SWAP70: variants seen among roughly 807,000 people sequenced by gnomAD.
SWAP70 encodes switching B cell complex subunit SWAP70, also known as switch-associated protein 70.
A neutral mutation model predicts 80.2 loss-of-function variants in SWAP70; 34 were observed. The ratio of observed to expected loss-of-function variants is 0.42; its 90% CI spans 0.32 to 0.56. SWAP70 has a LOEUF of 0.56. Among genes scored for constraint, SWAP70 ranks in the 20% least tolerant of loss-of-function variants. The pLI, the probability that SWAP70 is intolerant of heterozygous loss-of-function variation, is 0.09. For synonymous variants in SWAP70, 239 were observed against 238.5 expected (o/e 1.00, Z -0.02); for missense variants, 578 against 690.7 (o/e 0.84, Z 1.83).
At chr11:9,738,361 A>C in intron 8 of SWAP70, 41 bp downstream of exon 8, 115 of 1,492,944 alleles carry the variant, frequency 7.7e-5, no homozygotes, top group Non-Finnish European at 1.0e-4. Flanking sequence ...GCAGTAGCTC[A>C]GCCTGGGTCG....
intron 1 of SWAP70, among the ~76,000 whole-genome samples, chr11:9,687,243 A>G (rs968412364): frequency 6.6e-6 from 1 of 152,224 alleles, no homozygotes; most frequent in Non-Finnish European, 1.5e-5. Context: ...AAGTATCACA[A>G]TAACCATATT....
chr11:9,681,705 G>A (rs1039130190), intron 1 of SWAP70, among the ~76,000 whole-genome samples: 2 of 152,244 alleles, frequency 1.3e-5, no homozygotes, highest in East Asian at 3.9e-4. Context: ...GAGCAAACTG[G>A]CAATTCAAAT....
intron 3 of SWAP70, among the ~76,000 whole-genome samples, chr11:9,719,903 G>C (rs934391587): frequency 6.6e-6 from 1 of 152,138 alleles, no homozygotes; most frequent in Admixed American, 6.5e-5. Context: ...CCAATAAAAT[G>C]CCCCTTATTA....
chr11:9,665,634 T>C (rs952536497), intron 1 of SWAP70, among the ~76,000 whole-genome samples: 4 of 152,234 alleles, frequency 2.6e-5, no homozygotes, highest in African/African-American at 9.6e-5. Flanking sequence ...TCATATAGTT[T>C]GTAACTGTTG....
chr11:9,720,086 G>A (rs1851115855), intron 3 of SWAP70: 10 of 985,246 alleles, frequency 1.0e-5, no homozygotes, highest in Middle Eastern at 5.2e-4. Flanking sequence ...CAGGCCACTA[G>A]AGACTAAAAC....
chr11:9,691,061 G>A (rs959624194), intron 1 of SWAP70, among the ~76,000 whole-genome samples: 4 of 152,078 alleles, frequency 2.6e-5, no homozygotes, highest in African/African-American at 4.8e-5. Flanking sequence ...GGGACTACAG[G>A]CATGTGCCAC....
chr11:9,715,228 C>G (rs1342860471), intron 3 of SWAP70, among the ~76,000 whole-genome samples: 1 of 152,064 alleles, frequency 6.6e-6, no homozygotes, highest in Non-Finnish European at 1.5e-5. Flanking sequence ...ATCCCTTTAC[C>G]TCAGCCTCCC....
intron 2 of SWAP70, 32 bp from the exon 3 acceptor site, chr11:9,713,434 A>G: frequency 6.3e-7 from 1 of 1,594,612 alleles, no homozygotes; most frequent in South Asian, 1.1e-5. Context: ...TATCGGACTG[A>G]TTTGTTGGAG....
chr11:9,706,901 C>CT (rs749897455), intron 2 of SWAP70, among the ~76,000 whole-genome samples: 100 of 151,256 alleles, frequency 6.6e-4, no homozygotes, highest in Non-Finnish European at 1.2e-3. Flanking sequence ...CATTTTTTTC[C>CT]TTTTTTTTCT....
chr11:9,734,104 T>C (rs1362847586), intron 7 of SWAP70, among the ~76,000 whole-genome samples: 1 of 152,208 alleles, frequency 6.6e-6, no homozygotes, highest in Non-Finnish European at 1.5e-5. Flanking sequence ...AAGTCTGAAA[T>C]TGGAAATGCT....
intron 2 of SWAP70, among the ~76,000 whole-genome samples, chr11:9,694,506 A>G (rs1421275609): frequency 6.6e-6 from 1 of 152,174 alleles, no homozygotes; most frequent in African/African-American, 2.4e-5. Context: ...AACTTGGTTC[A>G]TTCTTTGAAA....
rs141337037 is a variant in SWAP70 at position 9,695,699 on chromosome 11, G to A, written c.240+1413G>A. 8.8e-3 allele frequency among the ~76,000 whole-genome samples: 1,336 copies of A among 152,128 alleles called. 13 individuals carry two copies. The highest frequency in any genetic ancestry group is 0.034 in the Middle Eastern group (10 of 294). On this transcript the variant is annotated intron_variant, in intron 2 of 11. Coordinates refer to ENST00000318950, the MANE Select transcript of SWAP70 (RefSeq NM_015055.4). ...ACCACCACAGCACACGTACACTTAT[G>A]TAACAAACCTGCACGTGCTGCACAG...
intron 1 of SWAP70, among the ~76,000 whole-genome samples, chr11:9,670,468 G>A (rs556969706): frequency 2.6e-5 from 4 of 151,832 alleles, no homozygotes; most frequent in African/African-American, 9.7e-5. Flanking sequence ...TTATTTTTTT[G>A]AGGTCCTTGA....
In SWAP70 at chr11:9,724,872, A is replaced by C. The variant is rs781431832; in HGVS notation, c.629A>C (p.Asp210Ala). 1.0e-5 allele frequency: 16 copies of C among 1,601,008 alleles called. No homozygotes were observed. In the East Asian group the frequency reaches 2.0e-4, roughly 20 times the overall value. ...INEVFNELIL[D>A]VLKQGYMMKK... ...GAAGTCTTTAATGAACTTATATTAG[A>C]TGTGTTAAAGCAGGTAAGAATTCTG... The change falls in exon 4 of 12, where the codon GAT becomes GCT. Residue 210 changes from aspartate to alanine, a missense_variant. By Grantham distance (126) the Asp-to-Ala change is moderately radical. Coordinates refer to ENST00000318950, the MANE Select transcript of SWAP70 (RefSeq NM_015055.4).
chr11:9,726,854 A>G (rs1282401846), intron 4 of SWAP70: 1 of 456,246 alleles, frequency 2.2e-6, no homozygotes, highest in East Asian at 6.9e-5. Flanking sequence ...GTGAGCTTAG[A>G]AGCCACATTT....
chr11:9,732,518 AC>A lies in SWAP70; in HGVS notation c.899-9del. 1 of 1,598,084 alleles carries A rather than the reference AC, an allele frequency of 6.3e-7. No homozygotes were observed. The highest frequency in any genetic ancestry group is 8.5e-7 in the Non-Finnish European group (1 of 1,171,424). ...CTCCCCATTTTTTTTTTCCTCCTAC[AC>A]CTTTTACAGCCATTCATTCTACTAT... On this transcript the variant is annotated splice_polypyrimidine_tract_variant and intron_variant, in intron 6 of 11. Transcript: ENST00000318950.
chr11:9,698,407 C>CT (rs992568004), intron 2 of SWAP70, among the ~76,000 whole-genome samples: 6 of 151,066 alleles, frequency 4.0e-5, no homozygotes, highest in Admixed American at 4.0e-4. Flanking sequence ...GACCTGGGTT[C>CT]TTTTTTTTGA....
intron 1 of SWAP70, among the ~76,000 whole-genome samples, chr11:9,687,735 AC>A (rs1850649909): frequency 6.6e-6 from 1 of 152,156 alleles, no homozygotes; most frequent in Non-Finnish European, 1.5e-5. Flanking sequence ...TTCTGCTCTT[AC>A]TGAATCTTCG....
intron 7 of SWAP70, among the ~76,000 whole-genome samples, chr11:9,735,744 A>G (rs1013944170): frequency 4.6e-5 from 7 of 152,228 alleles, no homozygotes; most frequent in African/African-American, 1.4e-4. Context: ...TCAGCTGTCA[A>G]GCTTGCAGGA....
Sources: allele counts gnomAD v4.1 joint callset (sites outside exome capture counted in the v4.1 genomes callset), GRCh38; gene constraint gnomAD v4.1.1; transcripts MANE v1.5; gene names NCBI Gene and HGNC (gene_info 2026-07-23, HGNC 2026-07-21).